AGBL1: variants seen among roughly 807,000 people sequenced by gnomAD.
The protein encoded by AGBL1 is cytosolic carboxypeptidase 4.
A neutral mutation model predicts 118.9 loss-of-function variants in AGBL1; 130 were observed. The observed-to-expected ratio is 1.09, with a 90% CI of 0.95 to 1.26. The LOEUF (loss-of-function observed/expected upper bound fraction) is 1.26, where lower values mean the gene tolerates loss of function less well. AGBL1 is among the 50% of genes most tolerant of loss of function. The pLI is 0.00. For synonymous variants in AGBL1, 555 were observed against 478.9 expected (o/e 1.16, Z -2.08); for missense variants, 1,584 against 1,298.1 (o/e 1.22, Z -3.38).
chr15:86,818,431 A>G (rs964225264), intron 22 of AGBL1, among the ~76,000 whole-genome samples: 3 of 152,194 alleles, frequency 2.0e-5, no homozygotes, highest in Non-Finnish European at 1.5e-5. Context: ...TCCAGGTTGC[A>G]TGCTCCTGAG....
At chr15:86,748,108 GT>G (rs1273348711) in intron 22 of AGBL1, among the ~76,000 whole-genome samples, 2 of 152,132 alleles carry the variant, frequency 1.3e-5, no homozygotes, top group African/African-American at 2.4e-5. Context: ...GTGTAAAAGT[GT>G]TCCTATTTCT....
intron 21 of AGBL1, among the ~76,000 whole-genome samples, chr15:86,655,949 C>T (rs1279427978): frequency 1.3e-5 from 2 of 152,116 alleles, no homozygotes; most frequent in African/African-American, 4.8e-5. Flanking sequence ...AGTTAATTTG[C>T]CTCCCTGAGC....
chr15:86,753,415 T>TTTTA (rs35941815), intron 22 of AGBL1, among the ~76,000 whole-genome samples: 18 of 139,748 alleles, frequency 1.3e-4, no homozygotes, highest in East Asian at 4.2e-4. Context: ...TTTTTTTTTT[T>TTTTA]GAGACAGAGT....
chr15:86,808,663 CTCCT>C (rs2078749905), intron 22 of AGBL1, among the ~76,000 whole-genome samples: 2 of 138,842 alleles, frequency 1.4e-5, no homozygotes, highest in Middle Eastern at 4.1e-3. Context: ...CCTTTCTTTC[CTCCT>C]TCCTTTTCTT....
chr15:86,353,059 T>A (rs1308837061), intron 17 of AGBL1, among the ~76,000 whole-genome samples: 1 of 152,212 alleles, frequency 6.6e-6, no homozygotes, highest in African/African-American at 2.4e-5. Context: ...TCTGTTGCAG[T>A]ATATATGAAA....
chr15:86,824,114 A>G (rs149672803), intron 22 of AGBL1, among the ~76,000 whole-genome samples: 134 of 152,248 alleles, frequency 8.8e-4, no homozygotes, highest in African/African-American at 2.9e-3. Flanking sequence ...TAAAAGGCAC[A>G]TATTAGAAAG....
intron 21 of AGBL1, among the ~76,000 whole-genome samples, chr15:86,589,177 A>T (rs1409225581): frequency 6.6e-6 from 1 of 152,132 alleles, no homozygotes; most frequent in Non-Finnish European, 1.5e-5. Flanking sequence ...GAGATGTCAG[A>T]GCCCCGGCAT....
At chr15:86,285,079 G>A (rs1030314397) in intron 16 of AGBL1, among the ~76,000 whole-genome samples, 1 of 152,040 alleles carries the variant, frequency 6.6e-6, no homozygotes, top group Admixed American at 6.6e-5. Context: ...ATCCAATTAG[G>A]CATAACTTTT....
At chr15:86,458,255 CAAAATA>C (rs935459987) in intron 18 of AGBL1, among the ~76,000 whole-genome samples, 15 of 151,660 alleles carry the variant, frequency 9.9e-5, no homozygotes, top group African/African-American at 3.6e-4. Context: ...AAGTAGACTA[CAAAATA>C]AAAATAACTA....
intron 5 of AGBL1, among the ~76,000 whole-genome samples, chr15:86,219,317 ACTTT>A (rs2078241130): frequency 6.6e-6 from 1 of 152,150 alleles, no homozygotes; most frequent in Non-Finnish European, 1.5e-5. Context: ...TTTTGCCATT[ACTTT>A]TAATGGCAAA....
intron 15 of AGBL1, among the ~76,000 whole-genome samples, chr15:86,278,857 C>G (rs929445889): frequency 2.2e-4 from 34 of 152,272 alleles, no homozygotes; most frequent in African/African-American, 8.2e-4. Flanking sequence ...TTCTTTGATA[C>G]TGTTCTCTGA....
In AGBL1 at chr15:86,397,467, C is replaced by T. The variant is rs1349205139; in HGVS notation, c.2476C>T (p.Pro826Ser). The T allele has an allele frequency of 1.5e-5, 24 of 1,612,892 alleles. No homozygotes were observed. Among genetic ancestry groups the T allele is most frequent in the African/African-American group, 2.7e-5 (2 of 74,818 alleles). The change falls in exon 18 of 23, where the codon CCT becomes TCT. Residue 826 changes from proline (P) to serine (S), a missense_variant. By Grantham distance (74) the Pro-to-Ser change is moderately conservative. Transcript: ENST00000614907. ...CTTGGAGTTCCTGGTCAGCAGTGAC[C>T]CTGTGGCTAGGCTCTTGAGGGAAAA... ...GTLEFLVSSD[P>S]VARLLRENFI... is the part of the protein sequence containing the mutation.
chr15:86,302,012 C>T (rs936759789), intron 17 of AGBL1, among the ~76,000 whole-genome samples: 3 of 152,062 alleles, frequency 2.0e-5, no homozygotes, highest in African/African-American at 7.2e-5. Context: ...GTTGATCTGC[C>T]TGCATATCAA....
chr15:86,493,793 C>G (rs2082812988), intron 18 of AGBL1, among the ~76,000 whole-genome samples: 2 of 151,992 alleles, frequency 1.3e-5, no homozygotes, highest in Admixed American at 1.3e-4. Context: ...TTATGGTCTT[C>G]CACGAAAGAA....
intron 22 of AGBL1, among the ~76,000 whole-genome samples, chr15:86,710,127 T>G (rs575490263): frequency 6.6e-6 from 1 of 152,250 alleles, no homozygotes; most frequent in South Asian, 2.1e-4. Context: ...TGTGATCACT[T>G]TTTGTCGCAC....
At chr15:86,847,068 CATTTT>C (rs2079329953) in intron 22 of AGBL1, among the ~76,000 whole-genome samples, 2 of 152,032 alleles carry the variant, frequency 1.3e-5, no homozygotes, top group Non-Finnish European at 2.9e-5. Context: ...CCTTTAATAA[CATTTT>C]ATTTTAGTTA....
At position 86,915,117 on chromosome 15, in the gene AGBL1, C is replaced by T. The variant is rs992457599; in HGVS notation, c.*7823C>T. ...ATCTGCAATGTTGTTGAGTGTGAAT[C>T]TTAGCTTTGGTTGGAGTCCAAAGCT... is the stretch of plus-strand genomic sequence containing the variant. On this transcript the variant is annotated 3_prime_UTR_variant, in exon 23 of 23. Coordinates refer to ENST00000614907, the MANE Select transcript of AGBL1 (RefSeq NM_001386094.1). 6.6e-6 allele frequency: 1 copy of T among 152,132 alleles called. No individual in the cohort carries two copies. Among genetic ancestry groups the T allele is most frequent in the Non-Finnish European group, 1.5e-5 (1 of 68,024 alleles). The allele number at this position is 152,132 out of a possible 1,614,324, so 9.4% of individuals were successfully genotyped here.
chr15:86,946,389 T>C (rs1276420432), intron 23 of AGBL1: 1 of 152,202 alleles, frequency 6.6e-6, no homozygotes, highest in African/African-American at 2.4e-5. Context: ...GGATTCTTTT[T>C]TTTTGTAGTG....
At chr15:86,680,742 T>C (rs1291830265) in intron 22 of AGBL1, among the ~76,000 whole-genome samples, 1 of 151,656 alleles carries the variant, frequency 6.6e-6, no homozygotes, top group African/African-American at 2.4e-5. Flanking sequence ...AATTTTTATA[T>C]TTTTAGTAGA....
Sources: allele counts gnomAD v4.1 joint callset (sites outside exome capture counted in the v4.1 genomes callset), GRCh38; gene constraint gnomAD v4.1.1; transcripts MANE v1.5; gene names NCBI Gene and HGNC (gene_info 2026-07-23, HGNC 2026-07-21).